The following TSPEAR variants were observed in gnomAD, a reference collection of about 807,000 sequenced individuals.
TSPEAR encodes thrombospondin type laminin G domain and EAR repeats, also known as thrombospondin-type laminin G domain and EAR repeat-containing protein.
In TSPEAR, 69 loss-of-function variants were observed where a neutral mutation model predicts 71.6. That is an observed-to-expected ratio of 0.96 (90% CI 0.79 to 1.18). The LOEUF (loss-of-function observed/expected upper bound fraction) is 1.18, where lower values mean the gene tolerates loss of function less well. TSPEAR is among the 50% of genes most tolerant of loss of function. The probability of loss-of-function intolerance (pLI) is 0.00; values close to 1 mark genes in which losing one functional copy is unlikely to be tolerated. For missense variants in TSPEAR, 971 were observed against 894.9 expected, an observed-to-expected ratio of 1.09 and a Z score of -1.09; for synonymous variants, 402 against 387.2, an observed-to-expected ratio of 1.04 and a Z score of -0.45.
chr21:44,682,071 C>A, intron 1 of TSPEAR: 1 of 1,613,974 alleles, frequency 6.2e-7, no homozygotes, highest in Non-Finnish European at 8.5e-7. Flanking sequence ...CTGGCAGGGG[C>A]TGGGCGCGCA....
At chr21:44,502,397 G>A (rs1028658670) in intron 11 of TSPEAR, among the ~76,000 whole-genome samples, 7 of 152,244 alleles carry the variant, frequency 4.6e-5, no homozygotes, top group Middle Eastern at 3.2e-3. Context: ...AGTCCCCTGA[G>A]AATCTTTTTA....
intron 1 of TSPEAR, chr21:44,580,026 G>A (rs782312031): frequency 1.3e-6 from 2 of 1,595,452 alleles, no homozygotes; most frequent in Non-Finnish European, 1.7e-6. Flanking sequence ...CAGCAGATGG[G>A]TTTGCAGCAG....
intron 9 of TSPEAR, chr21:44,519,096 TC>T (rs1247876291): frequency 2.6e-5 from 4 of 156,198 alleles, no homozygotes; most frequent in African/African-American, 9.6e-5. Flanking sequence ...TGGCGTGATC[TC>T]GGCTCACTGC....
At chr21:44,652,835 C>T (rs1214596360) in intron 1 of TSPEAR, among the ~76,000 whole-genome samples, 2 of 152,130 alleles carry the variant, frequency 1.3e-5, no homozygotes, top group Admixed American at 6.5e-5. Context: ...AACTCAGAAT[C>T]ATCAACCTGC....
chr21:44,515,045 C>A (rs587659082), intron 9 of TSPEAR, among the ~76,000 whole-genome samples: 1 of 152,310 alleles, frequency 6.6e-6, no homozygotes, highest in Admixed American at 6.5e-5. Context: ...CCCCGCAGAC[C>A]CCTCCAGAAA....
rs571432124 is a variant in TSPEAR, at chr21:44,710,384, C to G, written c.82+1049G>C. ...AGGGCTGTCCTGGAGGCACAGCCAT[C>G]CGTCCCTGGGTGGGCAGGCACGTTT... is the stretch of plus-strand genomic sequence containing the variant. On this transcript the variant is annotated intron_variant, in intron 1 of 11. Coordinates refer to ENST00000323084, the MANE Select transcript of TSPEAR (RefSeq NM_144991.3). This position sits in a 1 kb window ranked among gnomAD's most constrained non-coding sequence, Gnocchi z 4.6. Among the ~76,000 whole-genome samples the G allele has an allele frequency of 3.0e-4, 46 of 151,934 alleles. 1 individual carries two copies. In the East Asian group the frequency reaches 8.4e-3, roughly 28 times the overall value.
intron 9 of TSPEAR, 160 bp from the exon 10 acceptor site, chr21:44,509,546 G>A: frequency 1.7e-6 from 1 of 589,786 alleles, no homozygotes; most frequent in Non-Finnish European, 3.0e-6. Flanking sequence ...CGGGCGCAGA[G>A]GTGTGGGTGA....
intron 1 of TSPEAR, among the ~76,000 whole-genome samples, chr21:44,613,359 G>C: frequency 6.6e-6 from 1 of 152,156 alleles, no homozygotes; most frequent in East Asian, 1.9e-4. Flanking sequence ...TGGGACTCAC[G>C]GTCACTCCCA....
chr21:44,539,054 A>C (rs2053149120), intron 2 of TSPEAR: 7 of 630,984 alleles, frequency 1.1e-5, no homozygotes, highest in Admixed American at 5.9e-5. Flanking sequence ...CAAGTGACCC[A>C]GAGCAGAGAA....
At chr21:44,601,866 A>G in intron 1 of TSPEAR, 2 of 1,253,152 alleles carry the variant, frequency 1.6e-6, no homozygotes, top group South Asian at 3.1e-5. Flanking sequence ...CTGGCCATCC[A>G]GTGTGCGCTT....
intron 1 of TSPEAR, chr21:44,702,668 C>A: frequency 6.4e-7 from 1 of 1,566,424 alleles, no homozygotes; most frequent in Admixed American, 1.7e-5. Context: ...CCCGTCCCCT[C>A]CTGTTGTGCA....
At chr21:44,599,234 ATTATTT>A (rs1980608683) in intron 1 of TSPEAR, among the ~76,000 whole-genome samples, 1 of 150,184 alleles carries the variant, frequency 6.7e-6, no homozygotes, top group Non-Finnish European at 1.5e-5. Flanking sequence ...TCAAATTTAT[ATTATTT>A]TTATAGTTCA....
intron 1 of TSPEAR, among the ~76,000 whole-genome samples, chr21:44,629,713 G>C (rs743496): frequency 0.014 from 2,135 of 152,284 alleles, 55 homozygotes; most frequent in African/African-American, 0.049. Context: ...CACGACCCTC[G>C]GGGAAATTCT....
intron 1 of TSPEAR, chr21:44,627,469 T>C: frequency 6.4e-7 from 1 of 1,571,340 alleles, no homozygotes; most frequent in African/African-American, 1.4e-5. Context: ...GCAGGCCTGC[T>C]GCGTGCCCGT....
intron 1 of TSPEAR, among the ~76,000 whole-genome samples, chr21:44,636,253 C>T (rs1233537283): frequency 2.0e-5 from 3 of 152,200 alleles, no homozygotes; most frequent in African/African-American, 2.4e-5. Context: ...AGGGGACATA[C>T]GTTGTATGTG....
At chr21:44,708,073 G>A (rs1156351372) in intron 1 of TSPEAR, among the ~76,000 whole-genome samples, 1 of 150,384 alleles carries the variant, frequency 6.6e-6, no homozygotes, top group African/African-American at 2.5e-5. Context: ...ACAGAGATAT[G>A]AGAGAGAGCG....
At chr21:44,586,563 A>G (rs1480986318) in intron 1 of TSPEAR, among the ~76,000 whole-genome samples, 1 of 152,110 alleles carries the variant, frequency 6.6e-6, no homozygotes, top group Non-Finnish European at 1.5e-5. Context: ...GCCATCACCA[A>G]TATATAATTT....
intron 1 of TSPEAR, among the ~76,000 whole-genome samples, chr21:44,618,679 T>C (rs1555932980): frequency 6.6e-6 from 1 of 152,068 alleles, no homozygotes; most frequent in Non-Finnish European, 1.5e-5. Context: ...GTGGACCTTG[T>C]TTGTAAGGCA....
intron 1 of TSPEAR, among the ~76,000 whole-genome samples, chr21:44,682,448 C>A (rs561394422): frequency 6.6e-6 from 1 of 152,222 alleles, no homozygotes; most frequent in African/African-American, 2.4e-5. Context: ...GTTAGTTCTA[C>A]GCTGAAGCAG....
Sources: allele counts gnomAD v4.1 joint callset (sites outside exome capture counted in the v4.1 genomes callset), GRCh38; gene constraint gnomAD v4.1.1; non-coding constraint Gnocchi (gnomAD v3.1); transcripts MANE v1.5; gene names NCBI Gene and HGNC (gene_info 2026-07-23, HGNC 2026-07-21).